CHMP4B: variants seen among roughly 807,000 people sequenced by gnomAD.
CHMP4B encodes SNF7 homolog associated with Alix 1.
Under a neutral mutation model 25.1 loss-of-function variants are expected in CHMP4B, and 1 was observed. The ratio of observed to expected loss-of-function variants is 0.04; its 90% CI spans 0.01 to 0.19. The LOEUF is 0.19. Ranked by LOEUF, CHMP4B falls within the 10% of genes least tolerant of loss-of-function variation. CHMP4B has a pLI of 1.00. For missense variants in CHMP4B, 151 were observed against 289.7 expected, an observed-to-expected ratio of 0.52 and a Z score of 3.48; for synonymous variants, 101 against 115.6, an observed-to-expected ratio of 0.87 and a Z score of 0.81.
chr20:33,825,806 A>C (rs75596110), intron 1 of CHMP4B, among the ~76,000 whole-genome samples: 2 of 152,258 alleles, frequency 1.3e-5, no homozygotes, highest in East Asian at 3.9e-4. Context: ...CTCTGACAAG[A>C]ACCATTGTTC....
chr20:33,814,866 G>C (rs368207658), intron 1 of CHMP4B, among the ~76,000 whole-genome samples: 8 of 152,142 alleles, frequency 5.3e-5, no homozygotes, highest in African/African-American at 1.7e-4. Flanking sequence ...GCCCAGGCTG[G>C]TCTCAAACTC....
At chr20:33,851,216 AG>A in intron 3 of CHMP4B, 150 bp downstream of exon 3, 1 of 701,634 alleles carries the variant, frequency 1.4e-6, no homozygotes, top group Admixed American at 2.0e-5. Context: ...CTGCATTTTG[AG>A]GGACACTTTC....
At chr20:33,847,286 GT>G (rs11398003) in intron 1 of CHMP4B, among the ~76,000 whole-genome samples, 203 of 147,708 alleles carry the variant, frequency 1.4e-3, no homozygotes, top group African/African-American at 4.4e-3. Flanking sequence ...TAGATGTACT[GT>G]TTTTTTTTTT....
At chr20:33,829,527 T>C (rs1382031570) in intron 1 of CHMP4B, among the ~76,000 whole-genome samples, 1 of 152,252 alleles carries the variant, frequency 6.6e-6, no homozygotes, top group African/African-American at 2.4e-5. Context: ...ATCTGTGAAT[T>C]AATTTTGGCC....
intron 1 of CHMP4B, among the ~76,000 whole-genome samples, chr20:33,844,075 G>T (rs951471000): frequency 3.9e-5 from 6 of 152,210 alleles, no homozygotes; most frequent in African/African-American, 1.4e-4. Context: ...AGTCCTGGGG[G>T]GATACCCCGG....
chr20:33,817,076 A>G (rs763293442), intron 1 of CHMP4B, among the ~76,000 whole-genome samples: 1 of 152,264 alleles, frequency 6.6e-6, no homozygotes, highest in Non-Finnish European at 1.5e-5. Flanking sequence ...GTTCTCTGGA[A>G]TCAAGATCTC....
rs924210428 is a variant in CHMP4B, at chr20:33,853,931, T to C, written c.*371T>C. 2.9e-6 allele frequency: 1 copy of C among 341,402 alleles called. No homozygotes were observed. 21.1% of individuals were successfully genotyped at this position (341,402 alleles called of 1,614,324 possible). A position where few individuals can be genotyped will look rare whatever the true frequency, so the allele number is the denominator to read the frequency against. On this transcript the variant is annotated 3_prime_UTR_variant, in exon 5 of 5. Transcript: ENST00000217402. ...TGACCTGAAATGTAGCCTCTGTCCT[T>C]GTAAGTCAGTTGACTTGCCGCACAT...
intron 1 of CHMP4B, among the ~76,000 whole-genome samples, chr20:33,820,993 A>T (rs182329902): frequency 6.6e-6 from 1 of 152,238 alleles, no homozygotes; most frequent in African/African-American, 2.4e-5. Flanking sequence ...TATTCAGTTA[A>T]TGATTCAGTT....
chr20:33,814,662 A>C (rs545537025), intron 1 of CHMP4B, among the ~76,000 whole-genome samples: 2 of 152,064 alleles, frequency 1.3e-5, no homozygotes, highest in Non-Finnish European at 2.9e-5. Flanking sequence ...TTATTTATTC[A>C]TTCACTTTAA....
chr20:33,841,277 A>G (rs1234318475), intron 1 of CHMP4B, among the ~76,000 whole-genome samples: 1 of 152,214 alleles, frequency 6.6e-6, no homozygotes, highest in African/African-American at 2.4e-5. Context: ...TTATTTTACC[A>G]TCTCTAAATG....
In CHMP4B at chr20:33,852,016, G is replaced by A. The variant is rs982813857; in HGVS notation, c.484-61G>A. 2.5e-6 allele frequency: 4 copies of A among 1,610,068 alleles called. No homozygotes were observed. In the African/African-American group the frequency reaches 5.3e-5, roughly 22 times the overall value. ...TCCATGAGCATTAATTAGGTAGGAG[G>A]CATGACCGCGGGGGCTGGGATTCCC... On this transcript the variant is annotated intron_variant, in intron 3 of 4. Transcript: ENST00000217402.
At chr20:33,842,457 GA>G (rs1398047440) in intron 1 of CHMP4B, among the ~76,000 whole-genome samples, 2 of 152,324 alleles carry the variant, frequency 1.3e-5, no homozygotes, top group Non-Finnish European at 2.9e-5. Flanking sequence ...CTGAATATCT[GA>G]GTTTATTCAC....
At chr20:33,832,813 C>T (rs1194083121) in intron 1 of CHMP4B, among the ~76,000 whole-genome samples, 2 of 138,300 alleles carry the variant, frequency 1.4e-5, no homozygotes, top group Non-Finnish European at 1.5e-5. Flanking sequence ...GGGTCTCGTT[C>T]TGTTGCCCAG....
intron 1 of CHMP4B, among the ~76,000 whole-genome samples, chr20:33,815,832 C>T (rs1978768916): frequency 6.6e-6 from 1 of 152,160 alleles, no homozygotes; most frequent in African/African-American, 2.4e-5. Flanking sequence ...GTTGTTTACT[C>T]CCATGATGAC....
At chr20:33,836,718 C>T (rs1158394162) in intron 1 of CHMP4B, among the ~76,000 whole-genome samples, 1 of 152,120 alleles carries the variant, frequency 6.6e-6, no homozygotes, top group Non-Finnish European at 1.5e-5. Flanking sequence ...TCCCCAGACT[C>T]TCAGCTCTAT....
chr20:33,852,688 C>G (rs1332484835), intron 4 of CHMP4B, among the ~76,000 whole-genome samples: 7 of 152,134 alleles, frequency 4.6e-5, no homozygotes, highest in Admixed American at 3.9e-4. Context: ...AGAGAAAGTT[C>G]CAGGCACTGT....
intron 1 of CHMP4B, among the ~76,000 whole-genome samples, chr20:33,822,439 C>G (rs1261354386): frequency 6.6e-6 from 1 of 152,218 alleles, no homozygotes; most frequent in Non-Finnish European, 1.5e-5. Context: ...GCCACCGTGC[C>G]CAGCCTACTG....
chr20:33,818,770 G>A (rs1467206155), intron 1 of CHMP4B, among the ~76,000 whole-genome samples: 4 of 152,194 alleles, frequency 2.6e-5, no homozygotes, highest in Admixed American at 2.0e-4. Context: ...CACAGATCAA[G>A]GAAGATTGTG....
At position 33,852,203 on chromosome 20, in the gene CHMP4B, G is replaced by T. The variant is rs769262650; in HGVS notation, c.610G>T (p.Ala204Ser). ...CTCTATAGCCCTACCATCAAAACCC[G>T]GTGAGTGCTTCTAGAGTCATGGCAC... is the stretch of plus-strand genomic sequence containing the variant. ...VPSIALPSKPAKKKEEEDDDM... is the reference protein window; with the variant it reads ...VPSIALPSKPSKKKEEEDDDM... The change falls in exon 4 of 5, where the codon GCC (alanine) becomes TCC (serine). Residue 204 changes from alanine (A) to serine (S), a missense_variant and splice_region_variant. Coordinates refer to ENST00000217402, the MANE Select transcript of CHMP4B (RefSeq NM_176812.5). 2 of 1,614,184 alleles carry T rather than the reference G, an allele frequency of 1.2e-6. No individual in the cohort carries two copies. The highest frequency in any genetic ancestry group is 2.2e-5 in the East Asian group (1 of 44,884).
Sources: allele counts gnomAD v4.1 joint callset (sites outside exome capture counted in the v4.1 genomes callset), GRCh38; gene constraint gnomAD v4.1.1; transcripts MANE v1.5; gene names NCBI Gene and HGNC (gene_info 2026-07-23, HGNC 2026-07-21).